The following PDE1A variants were observed in gnomAD, a reference collection of about 807,000 sequenced individuals.
PDE1A encodes the protein phosphodiesterase 1A, also known as dual specificity calcium/calmodulin-dependent 3',5'-cyclic nucleotide phosphodiesterase 1A.
Under a neutral mutation model 61.7 loss-of-function variants are expected in PDE1A, and 35 were observed. The ratio of observed to expected loss-of-function variants is 0.57; its 90% CI spans 0.43 to 0.75. The LOEUF (loss-of-function observed/expected upper bound fraction) is 0.75. Ranked by LOEUF, PDE1A falls within the 30% of genes least tolerant of loss-of-function variation. The pLI, the probability that PDE1A is intolerant of heterozygous loss-of-function variation, is 0.00. For missense variants in PDE1A, 597 were observed against 630.6 expected (o/e 0.95, Z 0.57); for synonymous variants, 232 against 213.2 (o/e 1.09, Z -0.77).
chr2:182,481,279 C>T (rs1057307964), intron 2 of PDE1A, among the ~76,000 whole-genome samples: 1 of 151,740 alleles, frequency 6.6e-6, no homozygotes, highest in African/African-American at 2.4e-5. Flanking sequence ...CTCAAGAAAC[C>T]ACTTACATAT....
the PDE1A span, among the ~76,000 whole-genome samples, chr2:182,555,628 T>C: frequency 1.3e-5 from 2 of 152,102 alleles, no homozygotes; most frequent in South Asian, 4.1e-4. Flanking sequence ...GTTTGAAATG[T>C]CATTATTAGT....
At chr2:182,273,573 A>T (rs764130391) in intron 1 of PDE1A, among the ~76,000 whole-genome samples, 27 of 152,110 alleles carry the variant, frequency 1.8e-4, no homozygotes, top group Non-Finnish European at 1.8e-4. Flanking sequence ...TAAAGAAGAA[A>T]ATACACATTA....
At chr2:182,238,810 G>T (rs567254775) in intron 3 of PDE1A, among the ~76,000 whole-genome samples, 8 of 152,186 alleles carry the variant, frequency 5.3e-5, no homozygotes, top group Middle Eastern at 3.4e-3. Flanking sequence ...TTGAAATTTA[G>T]CATATTCAGA....
the PDE1A span, chr2:182,716,346 C>T: frequency 6.6e-6 from 1 of 152,280 alleles, no homozygotes; most frequent in Admixed American, 6.5e-5. Flanking sequence ...CTCACCAATC[C>T]CGTGCGCCGC....
chr2:182,183,302 A>G (rs1485384407), intron 13 of PDE1A, among the ~76,000 whole-genome samples: 1 of 152,220 alleles, frequency 6.6e-6, no homozygotes. Context: ...AATCAACCAA[A>G]GGGACATAAT....
chr2:182,250,182 T>G (rs771701758), intron 2 of PDE1A, among the ~76,000 whole-genome samples: 3 of 152,206 alleles, frequency 2.0e-5, no homozygotes, highest in Non-Finnish European at 2.9e-5. Context: ...CCTCTCTGCC[T>G]TGAAACTTAT....
At chr2:182,228,606 A>T (rs899961351) in intron 6 of PDE1A, among the ~76,000 whole-genome samples, 4 of 152,194 alleles carry the variant, frequency 2.6e-5, no homozygotes, top group Non-Finnish European at 4.4e-5. Flanking sequence ...TTTTTAATGT[A>T]GAGAAAACTT....
the PDE1A span, among the ~76,000 whole-genome samples, chr2:182,657,133 G>A: frequency 6.6e-6 from 1 of 152,156 alleles, no homozygotes; most frequent in African/African-American, 2.4e-5. Flanking sequence ...TGAGGCAGGA[G>A]AATCGCTTGA....
At chr2:182,185,365 A>C (rs757740302) in intron 13 of PDE1A, among the ~76,000 whole-genome samples, 2 of 152,220 alleles carry the variant, frequency 1.3e-5, no homozygotes, top group Admixed American at 1.3e-4. Flanking sequence ...GAAGCAGCTA[A>C]TATGTCAGAA....
At chr2:182,374,109 C>T (rs1040047673) in intron 1 of PDE1A, among the ~76,000 whole-genome samples, 1 of 152,016 alleles carries the variant, frequency 6.6e-6, no homozygotes, top group African/African-American at 2.4e-5. Flanking sequence ...TTTAGTCAAT[C>T]CACATATATG....
chr2:182,155,873 AAGAG>A (rs764737047), intron 13 of PDE1A, among the ~76,000 whole-genome samples: 2 of 152,186 alleles, frequency 1.3e-5, no homozygotes, highest in Non-Finnish European at 1.5e-5. Flanking sequence ...CCTGGGCAAA[AAGAG>A]AGAAACTCCG....
chr2:182,241,978 T>C, intron 2 of PDE1A: 1 of 1,476,442 alleles, frequency 6.8e-7, no homozygotes, highest in South Asian at 1.4e-5. Context: ...AAAATATCAC[T>C]ACTTTAAAGA....
the PDE1A span, among the ~76,000 whole-genome samples, chr2:182,635,798 A>G: frequency 1.3e-5 from 2 of 151,908 alleles, no homozygotes; most frequent in African/African-American, 2.4e-5. Context: ...AGGTATAATT[A>G]ACAAATAAAA....
At chr2:182,603,229 T>C in the PDE1A span, among the ~76,000 whole-genome samples, 40 of 147,670 alleles carry the variant, frequency 2.7e-4, no homozygotes, top group African/African-American at 1.0e-3. Flanking sequence ...AATAATTGTT[T>C]AGGAAAATAT....
At chr2:182,205,406 C>A (rs942712638) in intron 8 of PDE1A, among the ~76,000 whole-genome samples, 1 of 151,918 alleles carries the variant, frequency 6.6e-6, no homozygotes, top group South Asian at 2.1e-4. Flanking sequence ...CCCTACATAG[C>A]AACAAGTATC....
At chr2:182,660,762 C>T in the PDE1A span, among the ~76,000 whole-genome samples, 1 of 152,194 alleles carries the variant, frequency 6.6e-6, no homozygotes, top group African/African-American at 2.4e-5. Context: ...AATCTGCCAA[C>T]AACCTGAACG....
At chr2:182,678,368 AGC>A in the PDE1A span, among the ~76,000 whole-genome samples, 1 of 152,210 alleles carries the variant, frequency 6.6e-6, no homozygotes, top group African/African-American at 2.4e-5. Context: ...GGTTGCAGTG[AGC>A]CGATATCATG....
chr2:182,680,172 C>T, the PDE1A span, among the ~76,000 whole-genome samples: 1 of 151,728 alleles, frequency 6.6e-6, no homozygotes, highest in Middle Eastern at 3.2e-3. Flanking sequence ...CAATAAAAAC[C>T]ACAGGGCATA....
At chr2:182,400,109 A>G (rs1380687896) in intron 1 of PDE1A, among the ~76,000 whole-genome samples, 2 of 152,148 alleles carry the variant, frequency 1.3e-5, no homozygotes, top group African/African-American at 4.8e-5. Context: ...TTGAAGATTA[A>G]GATTTTTACA....
Sources: allele counts gnomAD v4.1 joint callset (sites outside exome capture counted in the v4.1 genomes callset), GRCh38; gene constraint gnomAD v4.1.1; transcripts MANE v1.5; gene names NCBI Gene and HGNC (gene_info 2026-07-23, HGNC 2026-07-21).